MX2: variants seen among roughly 807,000 people sequenced by gnomAD.
MX2 encodes the protein MX dynamin like GTPase 2, also known as interferon-induced GTP-binding protein Mx2.
Under a neutral mutation model 74.0 loss-of-function variants are expected in MX2, and 51 were observed. The ratio of observed to expected loss-of-function variants is 0.69; its 90% CI spans 0.55 to 0.87. MX2 has a LOEUF of 0.87. Among genes scored for constraint, MX2 ranks in the 40% least tolerant of loss-of-function variants. The pLI, the probability that MX2 is intolerant of heterozygous loss-of-function variation, is 0.00. For missense variants in MX2, 832 were observed against 908.7 expected, an observed-to-expected ratio of 0.92 and a Z score of 1.09; for synonymous variants, 369 against 339.3, an observed-to-expected ratio of 1.09 and a Z score of -0.96.
intron 4 of MX2, among the ~76,000 whole-genome samples, 178 bp from the exon 5 acceptor site, chr21:41,382,232 C>T (rs981467130): frequency 6.6e-5 from 10 of 151,986 alleles, no homozygotes; most frequent in Admixed American, 2.6e-4. Context: ...ACATATTAAA[C>T]AGCCATCTTG....
chr21:41,385,913 C>T (rs920728942), intron 5 of MX2, among the ~76,000 whole-genome samples: 1 of 151,958 alleles, frequency 6.6e-6, no homozygotes, highest in Non-Finnish European at 1.5e-5. Context: ...GACACAGAGG[C>T]AGAAAGTGAA....
chr21:41,362,657 T>C (rs1371167367), intron 1 of MX2, among the ~76,000 whole-genome samples: 8 of 151,400 alleles, frequency 5.3e-5, no homozygotes, highest in Admixed American at 5.3e-4. Flanking sequence ...CACTGCACCC[T>C]GGATCGCCTG....
intron 5 of MX2, among the ~76,000 whole-genome samples, chr21:41,383,501 G>A (rs1240067873): frequency 1.3e-5 from 2 of 152,234 alleles, no homozygotes; most frequent in African/African-American, 4.8e-5. Context: ...TCATGCTTTG[G>A]CAAGCCAGCT....
intron 4 of MX2, among the ~76,000 whole-genome samples, chr21:41,382,102 G>A (rs1326317500): frequency 1.3e-5 from 2 of 152,226 alleles, no homozygotes; most frequent in Non-Finnish European, 2.9e-5. Flanking sequence ...AACCACCACA[G>A]CACTCACTGG....
At chr21:41,362,721 T>G (rs1250173324) in intron 1 of MX2, among the ~76,000 whole-genome samples, 1 of 150,158 alleles carries the variant, frequency 6.7e-6, no homozygotes, top group Admixed American at 6.6e-5. Flanking sequence ...AAAGGAGACA[T>G]GGTGGTATTG....
rs372514454 is a variant in MX2, at chr21:41,393,538, G to A, written c.872-2049G>A. ...CTTCCTCCACCATTCTCTCTCTCTCGGGTCGCTTCCGTCACTGGCCAGCTG... is the reference window on the plus strand; with the variant it reads ...CTTCCTCCACCATTCTCTCTCTCTCAGGTCGCTTCCGTCACTGGCCAGCTG... On this transcript the variant is annotated intron_variant, in intron 6 of 13. Coordinates refer to ENST00000330714, the MANE Select transcript of MX2 (RefSeq NM_002463.2). Among the ~76,000 whole-genome samples, 204 of 151,980 alleles carry A rather than the reference G, an allele frequency of 1.3e-3. 1 individual carries two copies. The highest frequency in any genetic ancestry group is 4.8e-3 in the African/African-American group (197 of 41,454).
chr21:41,367,825 C>A (rs2089281034), intron 1 of MX2, among the ~76,000 whole-genome samples: 1 of 152,158 alleles, frequency 6.6e-6, no homozygotes, highest in African/African-American at 2.4e-5. Context: ...CAAGGCCTTG[C>A]TGTCCTTCCT....
At position 41,388,440 on chromosome 21, in the gene MX2, A is replaced by G. The variant is rs2089611398; in HGVS notation, c.733-2125A>G. On this transcript the variant is annotated intron_variant, in intron 5 of 13. Coordinates refer to ENST00000330714, the MANE Select transcript of MX2 (RefSeq NM_002463.2). This position sits in a 1 kb window ranked among gnomAD's most constrained non-coding sequence, Gnocchi z 4.0. Reference sequence around the variant, plus strand: ...TGGCTCTCCGCAGAGGGCATCCTTCATTCCTCGCGGGTTTCTGCTGCAAGG... The same window carrying G: ...TGGCTCTCCGCAGAGGGCATCCTTCGTTCCTCGCGGGTTTCTGCTGCAAGG... 6.6e-6 allele frequency among the ~76,000 whole-genome samples: 1 copy of G among 151,946 alleles called. No homozygotes were observed. Among genetic ancestry groups the G allele is most frequent in the African/African-American group, 2.4e-5 (1 of 41,348 alleles).
intron 13 of MX2, among the ~76,000 whole-genome samples, chr21:41,407,686 G>A (rs1568953009): frequency 6.6e-6 from 1 of 152,206 alleles, no homozygotes; most frequent in Non-Finnish European, 1.5e-5. Flanking sequence ...GGGAGCCAGG[G>A]GAGTCCTGGG....
At chr21:41,390,862 C>T (rs905161251) in intron 6 of MX2, among the ~76,000 whole-genome samples, 159 bp downstream of exon 6, 9 of 152,182 alleles carry the variant, frequency 5.9e-5, no homozygotes, top group South Asian at 2.1e-4. Flanking sequence ...AAAAATTAGT[C>T]GGGCATGGTG....
chr21:41,382,999 G>A lies in MX2; in HGVS notation c.732+435G>A, dbSNP rs576262861. Among the ~76,000 whole-genome samples the A allele has an allele frequency of 9.8e-5, 15 of 152,326 alleles. No homozygotes were observed. The South Asian group carries it at 1.0e-3, about 11-fold the overall frequency. On this transcript the variant is annotated intron_variant, in intron 5 of 13. Transcript: ENST00000330714. ...GAGAGGCACAGGGGTGAGGGAGGGC[G>A]ACCGGGCAATAAGGACACACATCAG...
At position 41,380,249 on chromosome 21, in the gene MX2, T is replaced by A; in HGVS notation, c.577+98T>A. 3 of 1,527,006 alleles carry A rather than the reference T, an allele frequency of 2.0e-6. No homozygotes were observed. Among genetic ancestry groups the A allele is most frequent in the Non-Finnish European group, 2.7e-6 (3 of 1,123,408 alleles). 94.6% of individuals were successfully genotyped at this position (1,527,006 alleles called of 1,614,324 possible). A position where few individuals can be genotyped will look rare whatever the true frequency, so the allele number is the denominator to read the frequency against. ...CTCAAGTCACCCCCACAGTGACCAC[T>A]CAGCTCCTAGCCCCATGTGCTCCCA... On this transcript the variant is annotated intron_variant, in intron 4 of 13. Coordinates refer to ENST00000330714, the MANE Select transcript of MX2 (RefSeq NM_002463.2). The surrounding 1 kb of genome is among the most constrained non-coding windows in gnomAD (Gnocchi z 4.3).
At chr21:41,382,664 G>A in intron 5 of MX2, 100 bp downstream of exon 5, 2 of 1,469,360 alleles carry the variant, frequency 1.4e-6, no homozygotes, top group Non-Finnish European at 1.9e-6. Context: ...TTACACTGAG[G>A]GATGAGGATG....
Position 41,408,177 on chromosome 21 carries a change from C to T in MX2, c.2092C>T (p.Arg698Trp), listed in dbSNP as rs754326695. Residue 698 changes from arginine (R) to tryptophan (W), a missense_variant, in exon 14 of 14, where the codon CGG (arginine) becomes TGG (tryptophan). Physicochemically the swap from Arg to Trp is moderately radical, Grantham distance 101. Coordinates refer to ENST00000330714, the MANE Select transcript of MX2 (RefSeq NM_002463.2). Reference sequence around the variant, plus strand: ...AAGAATCCTTAAGGAGAGAATTTACCGGCTCACTCAGGCGCGACACGCACT... The same window carrying T: ...AAGAATCCTTAAGGAGAGAATTTACTGGCTCACTCAGGCGCGACACGCACT... ...KRRILKERIY[R>W]LTQARHALCQ... 2.2e-5 allele frequency: 35 copies of T among 1,614,072 alleles called. No individual in the cohort carries two copies. The highest frequency in any genetic ancestry group is 1.3e-4 in the East Asian group (6 of 44,892).
intron 10 of MX2, chr21:41,401,191 T>G (rs2089808734): frequency 6.7e-6 from 1 of 148,872 alleles, no homozygotes; most frequent in Non-Finnish European, 1.5e-5. Flanking sequence ...AGATGAGATT[T>G]GGTTGGGGAC....
chr21:41,408,305 G>T lies in MX2; in HGVS notation c.*72G>T. 6.4e-7 allele frequency: 1 copy of T among 1,566,008 alleles called. No individual in the cohort carries two copies. The highest frequency in any genetic ancestry group is 8.6e-7 in the Non-Finnish European group (1 of 1,156,450). On this transcript the variant is annotated 3_prime_UTR_variant, in exon 14 of 14. Transcript: ENST00000330714. ...CTAAGGGGAGTCGGTGCAGGATGCCGCTTCTGCTTTGGGGCCAAACTCTTC... is the reference window on the plus strand; with the variant it reads ...CTAAGGGGAGTCGGTGCAGGATGCCTCTTCTGCTTTGGGGCCAAACTCTTC...
chr21:41,365,644 G>T (rs1172596719), intron 1 of MX2: 1 of 152,168 alleles, frequency 6.6e-6, no homozygotes, highest in African/African-American at 2.4e-5. Context: ...GGCCATTTAG[G>T]TTGATTCTAT....
chr21:41,368,129 G>T lies in MX2; in HGVS notation c.-72+6074G>T, dbSNP rs2089283830. On this transcript the variant is annotated intron_variant, in intron 1 of 13. Transcript: ENST00000330714. The surrounding 1 kb of genome is among the most constrained non-coding windows in gnomAD (Gnocchi z 4.6). Reference sequence around the variant, plus strand: ...CAAGCCCTGGAGAGGAACCCACAGTGCAGCGGCTCCTGAAAGCAGAGGCCT... The same window carrying T: ...CAAGCCCTGGAGAGGAACCCACAGTTCAGCGGCTCCTGAAAGCAGAGGCCT... Among the ~76,000 whole-genome samples, 1 of 152,188 alleles carries T rather than the reference G, an allele frequency of 6.6e-6. No homozygotes were observed. The highest frequency in any genetic ancestry group is 2.1e-4 in the South Asian group (1 of 4,828).
intron 5 of MX2, among the ~76,000 whole-genome samples, chr21:41,383,128 G>T (rs569385084): frequency 6.6e-6 from 1 of 152,330 alleles, no homozygotes; most frequent in Non-Finnish European, 1.5e-5. Flanking sequence ...GGAGGCCAAG[G>T]CAGGAGGATC....
Sources: allele counts gnomAD v4.1 joint callset (sites outside exome capture counted in the v4.1 genomes callset), GRCh38; gene constraint gnomAD v4.1.1; non-coding constraint Gnocchi (gnomAD v3.1); transcripts MANE v1.5; gene names NCBI Gene and HGNC (gene_info 2026-07-23, HGNC 2026-07-21).